Variants in PNPLA1 observed in about 807,000 individuals in gnomAD.
The protein encoded by PNPLA1 is patatin like domain 1, omega-hydroxyceramide transacylase.
PNPLA1 carries 36 observed loss-of-function variants against 51.7 expected under a neutral mutation model. That is an observed-to-expected ratio of 0.70 (90% CI 0.53 to 0.92). The LOEUF (loss-of-function observed/expected upper bound fraction) is 0.92. Among genes scored for constraint, PNPLA1 ranks in the 40% least tolerant of loss-of-function variants. The probability of loss-of-function intolerance (pLI) is 0.00; values close to 1 mark genes in which losing one functional copy is unlikely to be tolerated. For synonymous variants in PNPLA1, 293 were observed against 280.1 expected, an observed-to-expected ratio of 1.05 and a Z score of -0.46; for missense variants, 658 against 682.5, an observed-to-expected ratio of 0.96 and a Z score of 0.40.
chr6:36,258,876 A>G (rs1769587836), intron 1 of PNPLA1, among the ~76,000 whole-genome samples: 1 of 152,022 alleles, frequency 6.6e-6, no homozygotes. Context: ...TCCCAATCTC[A>G]CCTGCAATAT....
At chr6:36,264,015 T>C (rs1273823558) in intron 1 of PNPLA1, among the ~76,000 whole-genome samples, 1 of 152,102 alleles carries the variant, frequency 6.6e-6, no homozygotes, top group Non-Finnish European at 1.5e-5. Flanking sequence ...TGGGCTGTGC[T>C]CTCCTTTCGT....
chr6:36,252,552 A>C (rs908828445), intron 1 of PNPLA1, among the ~76,000 whole-genome samples: 1 of 152,036 alleles, frequency 6.6e-6, no homozygotes, highest in African/African-American at 2.4e-5. Flanking sequence ...CAAAAAAAAA[A>C]AAAAAAACCC....
In PNPLA1 at chr6:36,270,295, G is replaced by C. The variant is rs1394093173; in HGVS notation, c.-165G>C. Among the ~76,000 whole-genome samples the C allele has an allele frequency of 6.6e-6, 1 of 152,250 alleles. No individual in the cohort carries two copies. Among genetic ancestry groups the C allele is most frequent in the Non-Finnish European group, 1.5e-5 (1 of 68,036 alleles). The stretch of plus-strand genomic sequence containing the variant: ...GCTTAACAGGCTGAGGCAGCTTCCT[G>C]AGCAGCCTGTGGTTGCTCCAGCCGG... On this transcript the variant is annotated 5_prime_UTR_variant, in exon 1 of 9. Transcript: ENST00000636260.
At chr6:36,282,865 A>G (rs1343958221) in intron 1 of PNPLA1, among the ~76,000 whole-genome samples, 1 of 152,186 alleles carries the variant, frequency 6.6e-6, no homozygotes, top group East Asian at 1.9e-4. Flanking sequence ...TTGTATTTTT[A>G]GTAGAGATGG....
intron 6 of PNPLA1, among the ~76,000 whole-genome samples, chr6:36,305,114 C>T (rs778567343): frequency 1.3e-5 from 2 of 152,042 alleles, no homozygotes; most frequent in East Asian, 1.9e-4. Context: ...TTATCCAACC[C>T]GCGGCCCAGA....
intron 1 of PNPLA1, among the ~76,000 whole-genome samples, chr6:36,275,717 T>A (rs12202603): frequency 2.6e-5 from 4 of 151,962 alleles, no homozygotes; most frequent in South Asian, 2.1e-4. Context: ...TCCTTTTTTC[T>A]TCTTCAAATA....
intron 5 of PNPLA1, among the ~76,000 whole-genome samples, chr6:36,295,991 A>T (rs1031239923): frequency 2.0e-5 from 3 of 152,122 alleles, no homozygotes; most frequent in African/African-American, 4.8e-5. Context: ...TTATGTGCTA[A>T]CTCCATGGCA....
chr6:36,259,661 A>C (rs1455807623), intron 1 of PNPLA1, among the ~76,000 whole-genome samples: 6 of 152,214 alleles, frequency 3.9e-5, no homozygotes, highest in African/African-American at 1.2e-4. Flanking sequence ...AGCCATAAAA[A>C]AGAATGAAAT....
At chr6:36,283,760 C>T (rs889036871) in intron 1 of PNPLA1, among the ~76,000 whole-genome samples, 3 of 152,214 alleles carry the variant, frequency 2.0e-5, no homozygotes, top group Admixed American at 2.0e-4. Context: ...CTGTGGTTTG[C>T]CTCATCAGAC....
chr6:36,277,064 A>G (rs1561857052), intron 1 of PNPLA1, among the ~76,000 whole-genome samples: 3 of 152,236 alleles, frequency 2.0e-5, no homozygotes, highest in Non-Finnish European at 2.9e-5. Context: ...GAAGTTGGAC[A>G]GGTAGAGACA....
chr6:36,290,009 G>A (rs1770626611), intron 1 of PNPLA1, among the ~76,000 whole-genome samples: 1 of 152,174 alleles, frequency 6.6e-6, no homozygotes, highest in Admixed American at 6.5e-5. Context: ...CAAGGTGCCT[G>A]TGAGAATCCC....
intron 8 of PNPLA1, among the ~76,000 whole-genome samples, chr6:36,310,855 GC>G (rs1452467384): frequency 6.6e-6 from 1 of 152,194 alleles, no homozygotes; most frequent in African/African-American, 2.4e-5. Context: ...CATTCACCCT[GC>G]CTTCAACCCA....
intron 7 of PNPLA1, among the ~76,000 whole-genome samples, chr6:36,307,240 C>T (rs1771264663): frequency 6.6e-6 from 1 of 152,074 alleles, no homozygotes; most frequent in Non-Finnish European, 1.5e-5. Flanking sequence ...TACCTGCTTC[C>T]CACATTAAGT....
In PNPLA1 at chr6:36,294,726, T is replaced by A. The variant is rs928685639; in HGVS notation, c.714+327T>A. 6.6e-6 allele frequency among the ~76,000 whole-genome samples: 1 copy of A among 152,168 alleles called. No homozygotes were observed. On this transcript the variant is annotated intron_variant, in intron 4 of 8. Transcript: ENST00000636260. This position sits in a 1 kb window ranked among gnomAD's most constrained non-coding sequence, Gnocchi z 4.2. ...GGCAAGCTGCAGCCCACGGGCCAAA[T>A]CTAGCCTATGGCTTGTTTTTGTACA...
intron 6 of PNPLA1, among the ~76,000 whole-genome samples, 171 bp from the exon 7 acceptor site, chr6:36,306,121 C>T (rs370396292): frequency 1.3e-5 from 2 of 152,194 alleles, no homozygotes; most frequent in African/African-American, 4.8e-5. Flanking sequence ...CGCGGGCCTG[C>T]GTCTCAGTCA....
chr6:36,247,677 A>G (rs1234631722), intron 1 of PNPLA1, among the ~76,000 whole-genome samples: 2 of 152,230 alleles, frequency 1.3e-5, no homozygotes, highest in Non-Finnish European at 2.9e-5. Flanking sequence ...AGGAGGGTCA[A>G]GGAGGAAGGC....
upstream of PNPLA1, among the ~76,000 whole-genome samples, chr6:36,267,506 C>T (rs1008480427): frequency 1.3e-5 from 2 of 152,134 alleles, no homozygotes; most frequent in African/African-American, 4.8e-5. Flanking sequence ...AACATATGTG[C>T]ATTCGTGGAA....
intron 2 of PNPLA1, 124 bp from the exon 3 acceptor site, chr6:36,292,937 T>G: frequency 1.3e-6 from 1 of 741,640 alleles, no homozygotes; most frequent in South Asian, 2.1e-5. Flanking sequence ...CTTCCCAGTG[T>G]GGCACCTTCA....
chr6:36,309,187 T>C (rs1771333113), intron 8 of PNPLA1, among the ~76,000 whole-genome samples: 1 of 152,104 alleles, frequency 6.6e-6, no homozygotes, highest in Admixed American at 6.6e-5. Flanking sequence ...AGCAGTATGG[T>C]AGCGGAGATT....
Sources: allele counts gnomAD v4.1 joint callset (sites outside exome capture counted in the v4.1 genomes callset), GRCh38; gene constraint gnomAD v4.1.1; non-coding constraint Gnocchi (gnomAD v3.1); transcripts MANE v1.5; gene names NCBI Gene and HGNC (gene_info 2026-07-23, HGNC 2026-07-21).